The following SRGAP1 variants were observed in gnomAD, a reference collection of about 807,000 sequenced individuals.
SRGAP1 encodes SLIT-ROBO Rho GTPase-activating protein 1.
Under a neutral mutation model 121.9 loss-of-function variants are expected in SRGAP1, and 43 were observed. The observed-to-expected ratio is 0.35, with a 90% CI of 0.28 to 0.46. The LOEUF is 0.46. Ranked by LOEUF, SRGAP1 falls within the 20% of genes least tolerant of loss-of-function variation. The pLI, the probability that SRGAP1 is intolerant of heterozygous loss-of-function variation, is 1.00. For missense variants in SRGAP1, 1,102 were observed against 1,350.9 expected (o/e 0.82, Z 2.89); for synonymous variants, 447 against 485.4 (o/e 0.92, Z 1.04).
At chr12:63,922,615 T>C (rs1189859207) in intron 1 of SRGAP1, among the ~76,000 whole-genome samples, 1 of 152,222 alleles carries the variant, frequency 6.6e-6, no homozygotes, top group African/African-American at 2.4e-5. Flanking sequence ...TCTTGCACCA[T>C]CCTTCACATT....
chr12:63,853,311 G>A (rs979640148), intron 1 of SRGAP1, among the ~76,000 whole-genome samples: 5 of 151,976 alleles, frequency 3.3e-5, no homozygotes, highest in African/African-American at 1.2e-4. Flanking sequence ...GTGAGCCACC[G>A]CACCCGGCCT....
intron 17 of SRGAP1, among the ~76,000 whole-genome samples, chr12:64,112,666 G>A (rs1203726697): frequency 1.3e-5 from 2 of 152,060 alleles, no homozygotes; most frequent in Admixed American, 1.3e-4. Flanking sequence ...TCACATCTTG[G>A]CTATTGTGAC....
At chr12:64,002,306 AAT>A (rs1177321033) in intron 3 of SRGAP1, among the ~76,000 whole-genome samples, 1 of 152,212 alleles carries the variant, frequency 6.6e-6, no homozygotes, top group Non-Finnish European at 1.5e-5. Flanking sequence ...ACAACTCTGA[AAT>A]AGAGAATCTT....
At chr12:64,023,359 A>G (rs1593053062) in intron 4 of SRGAP1, among the ~76,000 whole-genome samples, 1 of 152,190 alleles carries the variant, frequency 6.6e-6, no homozygotes, top group Non-Finnish European at 1.5e-5. Context: ...TTCAAAACAA[A>G]ATGTGCCTTC....
chr12:63,857,294 G>T (rs1243030558), intron 1 of SRGAP1, among the ~76,000 whole-genome samples: 2 of 151,400 alleles, frequency 1.3e-5, no homozygotes, highest in East Asian at 1.9e-4. Context: ...GGCCAGGCTG[G>T]TCTCGAACTC....
At chr12:63,982,415 T>TAGGGCACAGAATAGTAAACA (rs1332265148) in intron 1 of SRGAP1, 4 of 152,128 alleles carry the variant, frequency 2.6e-5, no homozygotes, top group African/African-American at 9.7e-5. Flanking sequence ...CCTACTTCAT[T>TAGGGCACAGAATAGTAAACA]AGGGCACAGA....
intron 2 of SRGAP1, among the ~76,000 whole-genome samples, chr12:63,988,664 A>AT (rs1054119608): frequency 4.6e-5 from 7 of 152,212 alleles, no homozygotes; most frequent in African/African-American, 1.7e-4. Flanking sequence ...TCCTAACTTA[A>AT]TTAATATTCA....
intron 12 of SRGAP1, among the ~76,000 whole-genome samples, chr12:64,091,594 G>A (rs1030083838): frequency 2.6e-5 from 4 of 151,986 alleles, no homozygotes; most frequent in African/African-American, 9.7e-5. Context: ...TTATTATGTG[G>A]GCATAAAAGA....
chr12:63,935,414 A>G (rs2031631700), intron 1 of SRGAP1, among the ~76,000 whole-genome samples: 1 of 152,238 alleles, frequency 6.6e-6, no homozygotes, highest in South Asian at 2.1e-4. Context: ...TTGGTTGTAT[A>G]GAAACACTGA....
At chr12:63,941,846 C>T (rs557984822) in intron 1 of SRGAP1, among the ~76,000 whole-genome samples, 1 of 152,236 alleles carries the variant, frequency 6.6e-6, no homozygotes, top group Admixed American at 6.5e-5. Context: ...CCCCACCTGG[C>T]TGTGATATTT....
At chr12:64,063,611 CTGTT>C (rs2035488046) in intron 7 of SRGAP1, among the ~76,000 whole-genome samples, 1 of 152,028 alleles carries the variant, frequency 6.6e-6, no homozygotes, top group African/African-American at 2.4e-5. Context: ...GAAATTATGA[CTGTT>C]TTAGATCCTT....
At chr12:64,037,289 A>G (rs1411111872) in intron 4 of SRGAP1, among the ~76,000 whole-genome samples, 1 of 152,202 alleles carries the variant, frequency 6.6e-6, no homozygotes, top group Non-Finnish European at 1.5e-5. Context: ...GTCTGATAGC[A>G]TTGAACTCCA....
intron 2 of SRGAP1, among the ~76,000 whole-genome samples, chr12:63,986,266 CT>C: frequency 6.6e-6 from 1 of 151,874 alleles, no homozygotes; most frequent in Non-Finnish European, 1.5e-5. Flanking sequence ...AAAAATAAAT[CT>C]TAATGATGAT....
At chr12:63,934,978 A>T (rs2031614885) in intron 1 of SRGAP1, among the ~76,000 whole-genome samples, 1 of 152,210 alleles carries the variant, frequency 6.6e-6, no homozygotes, top group South Asian at 2.1e-4. Context: ...GGTGGCGAGA[A>T]TCAGATGCTT....
chr12:63,858,609 A>G (rs974744353), intron 1 of SRGAP1, among the ~76,000 whole-genome samples: 10 of 152,192 alleles, frequency 6.6e-5, no homozygotes, highest in African/African-American at 2.2e-4. Flanking sequence ...GTTTCCTTGT[A>G]TGAATAATTT....
chr12:63,948,672 G>T (rs2032130539), intron 1 of SRGAP1, among the ~76,000 whole-genome samples: 1 of 151,212 alleles, frequency 6.6e-6, no homozygotes, highest in Non-Finnish European at 1.5e-5. Flanking sequence ...TTCCTTCCTG[G>T]TATAGTGCCT....
chr12:64,072,161 G>GT (rs1345118371), intron 8 of SRGAP1, among the ~76,000 whole-genome samples: 1 of 108,128 alleles, frequency 9.2e-6, no homozygotes, highest in Non-Finnish European at 2.1e-5. Context: ...CGGCGGGGGG[G>GT]GGCTCTTTCT....
rs1419112590 is a variant in SRGAP1 at position 64,152,486 on chromosome 12, AT to A, written c.*9815del. Reference sequence around the variant, plus strand: ...ATCTTTGTATCTTCAAGCCTAATGCATCACTAACTAAATAGCAAATCGGCGG... The same window carrying A: ...ATCTTTGTATCTTCAAGCCTAATGCACACTAACTAAATAGCAAATCGGCGG... On this transcript the variant is annotated 3_prime_UTR_variant, in exon 22 of 22. Coordinates refer to ENST00000355086, the MANE Select transcript of SRGAP1 (RefSeq NM_020762.4). The A allele has an allele frequency of 2.6e-5, 4 of 152,374 alleles. No homozygotes were observed. Among genetic ancestry groups the A allele is most frequent in the Non-Finnish European group, 5.9e-5 (4 of 68,048 alleles). 9.4% of individuals were successfully genotyped at this position (152,374 alleles called of 1,614,324 possible). A position where few individuals can be genotyped will look rare whatever the true frequency, so the allele number is the denominator to read the frequency against.
At chr12:64,012,849 C>T (rs2034291963) in intron 3 of SRGAP1, among the ~76,000 whole-genome samples, 1 of 152,148 alleles carries the variant, frequency 6.6e-6, no homozygotes. Context: ...CTACACCCGG[C>T]CTGTTTTCAA....
Sources: allele counts gnomAD v4.1 joint callset (sites outside exome capture counted in the v4.1 genomes callset), GRCh38; gene constraint gnomAD v4.1.1; transcripts MANE v1.5; gene names NCBI Gene and HGNC (gene_info 2026-07-23, HGNC 2026-07-21).